IDO2: variants seen among roughly 807,000 people sequenced by gnomAD.
IDO2 encodes the protein indoleamine 2,3-dioxygenase 2.
In IDO2, 46 loss-of-function variants were observed where a neutral mutation model predicts 45.1. That is an observed-to-expected ratio of 1.02 (90% CI 0.80 to 1.30). The LOEUF (loss-of-function observed/expected upper bound fraction) is 1.30, where lower values mean the gene tolerates loss of function less well. IDO2 is among the 50% of genes most tolerant of loss of function. The probability of loss-of-function intolerance (pLI) is 0.00; values close to 1 mark genes in which losing one functional copy is unlikely to be tolerated. For synonymous variants in IDO2, 218 were observed against 184.9 expected (o/e 1.18, Z -1.45); for missense variants, 544 against 491.8 (o/e 1.11, Z -1.00).
intron 8 of IDO2, among the ~76,000 whole-genome samples, chr8:39,997,604 G>A (rs1309629982): frequency 1.3e-5 from 2 of 152,150 alleles, no homozygotes; most frequent in African/African-American, 4.8e-5. Flanking sequence ...AGGCTGCAAT[G>A]AGCCAAGGTC....
At chr8:39,972,017 C>A (rs1403698237) in intron 3 of IDO2, among the ~76,000 whole-genome samples, 2 of 152,066 alleles carry the variant, frequency 1.3e-5, no homozygotes, top group African/African-American at 4.8e-5. Context: ...TCCATGTTGG[C>A]CAGGCTGGTC....
chr8:39,949,511 G>T (rs1264606179), intron 2 of IDO2, among the ~76,000 whole-genome samples: 3 of 152,022 alleles, frequency 2.0e-5, no homozygotes, highest in Non-Finnish European at 4.4e-5. Context: ...TCAGGCCAGA[G>T]AAATTATAAG....
chr8:39,987,793 T>C, intron 6 of IDO2, 78 bp from the exon 7 acceptor site: 1 of 809,674 alleles, frequency 1.2e-6, no homozygotes, highest in Non-Finnish European at 2.0e-6. Context: ...GTTATCTAAC[T>C]CGGCAGGGAA....
At chr8:39,985,610 T>C (rs113833094) in intron 6 of IDO2, 88 bp downstream of exon 6, 30,911 of 1,106,234 alleles carry the variant, frequency 0.028, 553 homozygotes, top group Non-Finnish European at 0.034. Context: ...CATGCTAAAT[T>C]ATATGTATAA....
chr8:39,991,730 C>T (rs1197443309), intron 8 of IDO2, among the ~76,000 whole-genome samples: 1 of 152,096 alleles, frequency 6.6e-6, no homozygotes, highest in Admixed American at 6.5e-5. Flanking sequence ...ACCACCATGC[C>T]CAGCTAATTT....
intron 8 of IDO2, among the ~76,000 whole-genome samples, chr8:40,002,706 G>T (rs1321027374): frequency 6.6e-6 from 1 of 152,110 alleles, no homozygotes; most frequent in African/African-American, 2.4e-5. Context: ...CTTGAACCTG[G>T]CAGGCGGGGG....
intron 4 of IDO2, among the ~76,000 whole-genome samples, chr8:39,981,709 C>A (rs771763399): frequency 2.0e-5 from 3 of 151,888 alleles, no homozygotes; most frequent in Non-Finnish European, 2.9e-5. Flanking sequence ...GTTTTCCACC[C>A]GAGAAAAAAT....
exon 11 of IDO2, chr8:40,016,154 A>T: frequency 2.5e-6 from 1 of 395,984 alleles, no homozygotes; most frequent in Non-Finnish European, 4.5e-6. Flanking sequence ...CTTGGAAGTC[A>T]CTAGTGTGAA....
exon 2 of IDO2, chr8:39,949,243 C>T (rs1228861182): frequency 6.3e-7 from 1 of 1,595,990 alleles, no homozygotes; most frequent in African/African-American, 1.3e-5. Context: ...AAGAGTATGG[C>T]TTTCTTCTTC....
At chr8:39,987,877 G>A in exon 7 of IDO2, 7 of 1,602,842 alleles carry the variant, frequency 4.4e-6, no homozygotes, top group Non-Finnish European at 6.0e-6. Flanking sequence ...CAAGGAACCT[G>A]GAGACCATCA....
chr8:39,940,935 A>T (rs934597693), intron 1 of IDO2, among the ~76,000 whole-genome samples: 2 of 151,706 alleles, frequency 1.3e-5, no homozygotes, highest in African/African-American at 4.8e-5. Context: ...AATTGAAAAA[A>T]AAAAAAAACT....
At chr8:39,998,798 A>C (rs1162906290) in intron 8 of IDO2, among the ~76,000 whole-genome samples, 1 of 150,512 alleles carries the variant, frequency 6.6e-6, no homozygotes, top group Admixed American at 6.6e-5. Flanking sequence ...ACACCACCAC[A>C]CCCCACTAAT....
At chr8:39,975,579 G>A (rs1209627764) in intron 3 of IDO2, among the ~76,000 whole-genome samples, 1 of 152,070 alleles carries the variant, frequency 6.6e-6, no homozygotes, top group Non-Finnish European at 1.5e-5. Flanking sequence ...ACCATAATGG[G>A]ATAGCATTTT....
At chr8:39,945,160 A>G (rs996013641) in intron 1 of IDO2, among the ~76,000 whole-genome samples, 1 of 152,280 alleles carries the variant, frequency 6.6e-6, no homozygotes, top group Non-Finnish European at 1.5e-5. Context: ...GCCATGCTAC[A>G]GTCTGGGAAG....
At chr8:39,993,029 A>G (rs181411085) in intron 8 of IDO2, among the ~76,000 whole-genome samples, 297 of 152,280 alleles carry the variant, frequency 2.0e-3, no homozygotes, top group Non-Finnish European at 3.5e-3. Flanking sequence ...CCCATAAGGC[A>G]GAAGTCCACA....
intron 3 of IDO2, among the ~76,000 whole-genome samples, chr8:39,964,371 T>C (rs1424438729): frequency 6.6e-6 from 1 of 152,212 alleles, no homozygotes; most frequent in Admixed American, 6.5e-5. Flanking sequence ...TCTCACAGTA[T>C]TGTTATGGGA....
At chr8:39,983,291 T>C (rs1267098780) in intron 5 of IDO2, among the ~76,000 whole-genome samples, 3 of 152,210 alleles carry the variant, frequency 2.0e-5, no homozygotes, top group Non-Finnish European at 4.4e-5. Flanking sequence ...ACAGAAGGAA[T>C]AGCATGAGAT....
intron 3 of IDO2, among the ~76,000 whole-genome samples, chr8:39,966,827 C>A (rs1808090983): frequency 6.6e-6 from 1 of 152,062 alleles, no homozygotes; most frequent in Non-Finnish European, 1.5e-5. Context: ...TTTGAATAGA[C>A]AAAATTACCA....
chr8:40,015,282 C>T (rs746234998), exon 11 of IDO2: 6 of 1,612,470 alleles, frequency 3.7e-6, no homozygotes, highest in Admixed American at 3.3e-5. Flanking sequence ...TTACATGCCT[C>T]CTTCCCATAA....
Sources: gnomAD v4.1 joint callset for allele counts (sites outside exome capture counted in the v4.1 genomes callset) on GRCh38, gnomAD v4.1.1 for gene constraint, MANE v1.5 for transcripts, NCBI Gene and HGNC (gene_info 2026-07-23, HGNC 2026-07-21) for gene names.